The following COLEC10 variants were observed in gnomAD, a reference collection of about 807,000 sequenced individuals.
The protein encoded by COLEC10 is collectin subfamily member 10.
In COLEC10, 22 loss-of-function variants were observed where a neutral mutation model predicts 28.4. The observed-to-expected ratio is 0.78, with a 90% CI of 0.55 to 1.11. The LOEUF is 1.11. Among genes scored for constraint, COLEC10 ranks in the 50% least tolerant of loss-of-function variants. COLEC10 has a pLI of 0.00. For missense variants in COLEC10, 361 were observed against 344.1 expected, an observed-to-expected ratio of 1.05 and a Z score of -0.39; for synonymous variants, 125 against 116.1, an observed-to-expected ratio of 1.08 and a Z score of -0.49.
At chr8:119,003,957 A>T (rs536818357) in intron 1 of COLEC10, among the ~76,000 whole-genome samples, 18 of 152,232 alleles carry the variant, frequency 1.2e-4, no homozygotes, top group African/African-American at 4.1e-4. Context: ...AGGACCATAC[A>T]GTTGATTATG....
chr8:119,054,882 C>T (rs186341110), intron 2 of COLEC10, among the ~76,000 whole-genome samples: 1 of 151,940 alleles, frequency 6.6e-6, no homozygotes, highest in East Asian at 1.9e-4. Context: ...AAATTTTAGT[C>T]ATTTATAGGA....
upstream of COLEC10, among the ~76,000 whole-genome samples, chr8:118,993,096 T>A (rs563487061): frequency 2.9e-4 from 44 of 152,140 alleles, no homozygotes; most frequent in Non-Finnish European, 4.3e-4. Context: ...GATGTTAGTA[T>A]AAGATGAGGA....
intron 2 of COLEC10, among the ~76,000 whole-genome samples, chr8:119,058,063 A>G (rs1389065176): frequency 1.3e-5 from 2 of 152,060 alleles, no homozygotes; most frequent in Non-Finnish European, 2.9e-5. Flanking sequence ...CCAAGACATT[A>G]TATCAGGGCA....
At chr8:119,064,112 A>G (rs180746160), upstream of COLEC10, among the ~76,000 whole-genome samples, 44 of 152,176 alleles carry the variant, frequency 2.9e-4, no homozygotes, top group African/African-American at 1.1e-3. Context: ...GGGAAGCACT[A>G]TTTTTTTGCA....
chr8:118,972,325 G>A, the COLEC10 span, among the ~76,000 whole-genome samples: 3 of 151,914 alleles, frequency 2.0e-5, no homozygotes, highest in African/African-American at 7.2e-5. Flanking sequence ...TCCATTCTTG[G>A]CTCCGAGAGC....
rs140901991 is a variant in COLEC10, at chr8:119,056,253, A to G, written n.236-33427A>G. 3.5e-3 allele frequency among the ~76,000 whole-genome samples: 533 copies of G among 152,162 alleles called. 3 individuals are homozygous for G. Among genetic ancestry groups the G allele is most frequent in the African/African-American group, 0.012 (499 of 41,544 alleles). ...TCAAGCACTACAGGTTGCCTACTCA[A>G]TATCTATTCTTGCTTCCATAGCCTT... On this transcript the variant is annotated intron_variant and non_coding_transcript_variant, in intron 2 of 6. Transcript: ENST00000521788.
intron 2 of COLEC10, among the ~76,000 whole-genome samples, chr8:119,025,972 C>A (rs1281528756): frequency 6.6e-6 from 1 of 152,150 alleles, no homozygotes; most frequent in African/African-American, 2.4e-5. Context: ...ATCACCAAAG[C>A]CGTTGAACTC....
chr8:119,059,391 G>C (rs1407732508), intron 2 of COLEC10, among the ~76,000 whole-genome samples: 5 of 151,862 alleles, frequency 3.3e-5, no homozygotes, highest in Admixed American at 3.3e-4. Context: ...TATACTGTGA[G>C]ATAGGTTCCA....
upstream of COLEC10, among the ~76,000 whole-genome samples, chr8:118,994,405 A>G (rs776693685): frequency 1.3e-5 from 2 of 152,224 alleles, no homozygotes; most frequent in Non-Finnish European, 2.9e-5. Flanking sequence ...CAAATATACA[A>G]TTACACAAAA....
chr8:119,077,670 G>A (rs1365117783), intron 1 of COLEC10, among the ~76,000 whole-genome samples: 1 of 152,178 alleles, frequency 6.6e-6, no homozygotes, highest in East Asian at 1.9e-4. Flanking sequence ...TAGAGCAAAG[G>A]ATGTTCAATG....
chr8:118,957,981 A>G, the COLEC10 span, among the ~76,000 whole-genome samples: 2 of 152,188 alleles, frequency 1.3e-5, no homozygotes, highest in Admixed American at 1.3e-4. Flanking sequence ...AAGAATGTAT[A>G]CATAAGGTCA....
intron 2 of COLEC10, among the ~76,000 whole-genome samples, chr8:119,017,754 A>C (rs1814020343): frequency 1.3e-5 from 2 of 152,166 alleles, no homozygotes; most frequent in Admixed American, 1.3e-4. Flanking sequence ...GAAGTCACAA[A>C]CCTCATGTAT....
chr8:119,020,257 A>G (rs551596010), intron 2 of COLEC10, among the ~76,000 whole-genome samples: 1 of 152,258 alleles, frequency 6.6e-6, no homozygotes, highest in South Asian at 2.1e-4. Flanking sequence ...TGCTGAAATG[A>G]TTGAAATGGT....
intron 1 of COLEC10, among the ~76,000 whole-genome samples, chr8:119,082,591 G>A (rs1211332599): frequency 2.0e-5 from 3 of 152,142 alleles, no homozygotes; most frequent in Non-Finnish European, 4.4e-5. Context: ...TCTGACCATT[G>A]AAGACGGAGA....
upstream of COLEC10, among the ~76,000 whole-genome samples, chr8:119,065,312 C>T (rs989515916): frequency 1.3e-5 from 2 of 152,096 alleles, no homozygotes; most frequent in South Asian, 2.1e-4. Flanking sequence ...GTCAGATCAG[C>T]AGCGGCATTA....
intron 1 of COLEC10, among the ~76,000 whole-genome samples, chr8:119,075,574 G>A (rs1815210694): frequency 6.6e-6 from 1 of 152,142 alleles, no homozygotes; most frequent in South Asian, 2.1e-4. Context: ...GAAGACACTT[G>A]TATCTGTTAA....
chr8:119,056,116 A>G (rs1446470749), intron 2 of COLEC10, among the ~76,000 whole-genome samples: 1 of 152,012 alleles, frequency 6.6e-6, no homozygotes, highest in East Asian at 1.9e-4. Flanking sequence ...TTTACCCTCA[A>G]TTTCCAAAGA....
chr8:119,016,339 C>T (rs1813991036), intron 2 of COLEC10, among the ~76,000 whole-genome samples: 1 of 152,148 alleles, frequency 6.6e-6, no homozygotes, highest in South Asian at 2.1e-4. Context: ...CATCCACTTC[C>T]CTGCAAAGGA....
chr8:118,999,645 A>G (rs1013810925), intron 1 of COLEC10, among the ~76,000 whole-genome samples: 2 of 151,948 alleles, frequency 1.3e-5, no homozygotes, highest in Non-Finnish European at 1.5e-5. Flanking sequence ...TTTCCTCAAG[A>G]TGGAAAAAAG....
Sources: gnomAD v4.1 joint callset for allele counts (sites outside exome capture counted in the v4.1 genomes callset) on GRCh38, gnomAD v4.1.1 for gene constraint, MANE v1.5 for transcripts, NCBI Gene and HGNC (gene_info 2026-07-23, HGNC 2026-07-21) for gene names.